Variants in MCTP1 observed in about 807,000 individuals in gnomAD.
MCTP1 encodes multiple C2 and transmembrane domain containing 1.
Under a neutral mutation model 120.6 loss-of-function variants are expected in MCTP1, and 69 were observed. The ratio of observed to expected loss-of-function variants is 0.57; its 90% CI spans 0.47 to 0.70. The LOEUF is 0.70. Ranked by LOEUF, MCTP1 falls within the 30% of genes least tolerant of loss-of-function variation. The probability of loss-of-function intolerance (pLI) is 0.00; values close to 1 mark genes in which losing one functional copy is unlikely to be tolerated. For synonymous variants in MCTP1, 529 were observed against 493.1 expected (o/e 1.07, Z -0.96); for missense variants, 1,203 against 1,248.8 (o/e 0.96, Z 0.55).
chr5:95,081,306 T>C, intron 1 of MCTP1: 2 of 755,712 alleles, frequency 2.6e-6, no homozygotes. Context: ...TATTAGAATC[T>C]CAAATGCAAC....
intron 5 of MCTP1, among the ~76,000 whole-genome samples, chr5:94,936,110 A>C (rs1816132771): frequency 6.6e-6 from 1 of 152,022 alleles, no homozygotes; most frequent in African/African-American, 2.4e-5. Context: ...AAGAGCAATA[A>C]GGCTTGATTT....
intron 1 of MCTP1, among the ~76,000 whole-genome samples, chr5:95,235,010 C>T (rs1755384096): frequency 6.6e-6 from 1 of 151,916 alleles, no homozygotes; most frequent in African/African-American, 2.4e-5. Flanking sequence ...CCCTGATAAA[C>T]AAAGACATTA....
intron 2 of MCTP1, among the ~76,000 whole-genome samples, chr5:95,014,116 T>A (rs1374431921): frequency 6.6e-6 from 1 of 151,658 alleles, no homozygotes; most frequent in African/African-American, 2.4e-5. Context: ...AGAAAAAAAA[T>A]AGCCGGGCAT....
rs974832343 is a variant in MCTP1, at chr5:95,196,432, A to G, written c.720+87424T>C. Among the ~76,000 whole-genome samples the G allele has an allele frequency of 5.3e-5, 8 of 152,208 alleles. 1 individual carries two copies. Among genetic ancestry groups the G allele is most frequent in the Admixed American group, 2.0e-4 (3 of 15,278 alleles). The stretch of plus-strand genomic sequence containing the variant: ...AATACACAAAGCTGGAAAGTGGCAG[A>G]AATGAGGTTAAATACAGATCTGCTT... On this transcript the variant is annotated intron_variant, in intron 1 of 22. Coordinates refer to ENST00000515393, the MANE Select transcript of MCTP1 (RefSeq NM_024717.7).
At chr5:94,987,555 T>A (rs1830640569) in intron 2 of MCTP1, among the ~76,000 whole-genome samples, 1 of 152,078 alleles carries the variant, frequency 6.6e-6, no homozygotes, top group South Asian at 2.1e-4. Flanking sequence ...GGAGTACAAA[T>A]CAAAAGTAAA....
intron 10 of MCTP1, among the ~76,000 whole-genome samples, chr5:94,902,131 C>T (rs1805696130): frequency 6.6e-6 from 1 of 152,092 alleles, no homozygotes; most frequent in Non-Finnish European, 1.5e-5. Context: ...CTAAACTAAT[C>T]CTCACAAAAT....
chr5:95,249,897 T>C (rs1757210384), intron 1 of MCTP1, among the ~76,000 whole-genome samples: 1 of 152,084 alleles, frequency 6.6e-6, no homozygotes, highest in African/African-American at 2.4e-5. Flanking sequence ...CTAAGCAAAC[T>C]ATCACAAGGA....
At chr5:95,166,952 G>A (rs1434301440) in intron 1 of MCTP1, among the ~76,000 whole-genome samples, 1 of 148,122 alleles carries the variant, frequency 6.8e-6, no homozygotes, top group African/African-American at 2.5e-5. Context: ...GTTCTAGGGT[G>A]CATGTGCACA....
chr5:94,769,489 CAATA>C (rs1773575666), intron 19 of MCTP1, among the ~76,000 whole-genome samples: 1 of 151,398 alleles, frequency 6.6e-6, no homozygotes, highest in South Asian at 2.1e-4. Flanking sequence ...TCTTATATAT[CAATA>C]AAAAATTGAA....
rs532577890 is a variant in MCTP1 at position 95,150,541 on chromosome 5, A to C, written c.721-133057T>G. ...AGTTTTATCTAGTTACTTTTGGATG[A>C]GAAAAGTTAAAATTAACAACAACAA... On this transcript the variant is annotated intron_variant, in intron 1 of 22. Coordinates refer to ENST00000515393, the MANE Select transcript of MCTP1 (RefSeq NM_024717.7). Among the ~76,000 whole-genome samples, 4 of 152,366 alleles carry C rather than the reference A, an allele frequency of 2.6e-5. 1 individual carries two copies. The East Asian group carries it at 7.7e-4, about 29-fold the overall frequency.
At chr5:94,852,306 TATTA>T (rs923254250) in intron 17 of MCTP1, among the ~76,000 whole-genome samples, 3 of 151,916 alleles carry the variant, frequency 2.0e-5, no homozygotes, top group African/African-American at 7.2e-5. Context: ...GTGAGAGAAT[TATTA>T]ATTAAGGGTA....
At chr5:94,857,852 T>C (rs1794993570) in intron 17 of MCTP1, among the ~76,000 whole-genome samples, 1 of 151,762 alleles carries the variant, frequency 6.6e-6, no homozygotes, top group African/African-American at 2.4e-5. Context: ...TCTCAAAATA[T>C]GCCCAAATTA....
At chr5:94,804,074 G>A (rs1045061441) in intron 17 of MCTP1, among the ~76,000 whole-genome samples, 1 of 152,198 alleles carries the variant, frequency 6.6e-6, no homozygotes, top group Non-Finnish European at 1.5e-5. Context: ...GCTAGGCCTA[G>A]TCCAAACTGC....
intron 1 of MCTP1, among the ~76,000 whole-genome samples, chr5:95,170,804 C>G (rs1747164539): frequency 6.6e-6 from 1 of 152,142 alleles, no homozygotes; most frequent in African/African-American, 2.4e-5. Flanking sequence ...CTATATGTGT[C>G]TCTGCACATG....
rs537342129 is a variant in MCTP1 at position 95,219,318 on chromosome 5, C to T, written c.720+64538G>A. Among the ~76,000 whole-genome samples, 5 of 147,346 alleles carry T rather than the reference C, an allele frequency of 3.4e-5. No individual in the cohort carries two copies. In the East Asian group the frequency reaches 8.0e-4, roughly 23 times the overall value. ...AATGGCGTGAACCTGGGAGGCGGAG[C>T]TTGCAGTGAGCCAAGATCGCGTCAC... On this transcript the variant is annotated intron_variant, in intron 1 of 22. Coordinates refer to ENST00000515393, the MANE Select transcript of MCTP1 (RefSeq NM_024717.7).
chr5:95,243,385 T>C (rs1034417184), intron 1 of MCTP1, among the ~76,000 whole-genome samples: 3 of 152,012 alleles, frequency 2.0e-5, no homozygotes, highest in Non-Finnish European at 2.9e-5. Context: ...GAGGTAGACA[T>C]GTGAGGAAAA....
chr5:95,001,846 G>A (rs1833776820), intron 2 of MCTP1, among the ~76,000 whole-genome samples: 1 of 152,196 alleles, frequency 6.6e-6, no homozygotes, highest in Admixed American at 6.5e-5. Context: ...GGAGCCAAAT[G>A]TTAATCACGA....
At chr5:95,015,632 G>T (rs930822061) in intron 2 of MCTP1, among the ~76,000 whole-genome samples, 3 of 151,984 alleles carry the variant, frequency 2.0e-5, no homozygotes, top group Non-Finnish European at 4.4e-5. Flanking sequence ...GCATATTGTT[G>T]ATACTCTTTT....
At chr5:94,772,221 C>T (rs1774250893) in intron 19 of MCTP1, among the ~76,000 whole-genome samples, 1 of 152,122 alleles carries the variant, frequency 6.6e-6, no homozygotes, top group Non-Finnish European at 1.5e-5. Context: ...TTGTAGACCG[C>T]CCTGTGGTTC....
Sources: gnomAD v4.1 joint callset for allele counts (sites outside exome capture counted in the v4.1 genomes callset) on GRCh38, gnomAD v4.1.1 for gene constraint, MANE v1.5 for transcripts, NCBI Gene and HGNC (gene_info 2026-07-23, HGNC 2026-07-21) for gene names.